The following MEGF6 variants were observed in gnomAD, a reference collection of about 807,000 sequenced individuals.
MEGF6 encodes multiple epidermal growth factor-like domains protein 6.
In MEGF6, 184 loss-of-function variants were observed where a neutral mutation model predicts 207.1. The ratio of observed to expected loss-of-function variants is 0.89; its 90% CI spans 0.79 to 1.00. MEGF6 has a LOEUF of 1.00. Ranked by LOEUF, MEGF6 falls within the 50% of genes least tolerant of loss-of-function variation. The probability of loss-of-function intolerance (pLI) is 0.00; values close to 1 mark genes in which losing one functional copy is unlikely to be tolerated. For synonymous variants in MEGF6, 1,038 were observed against 910.0 expected, an observed-to-expected ratio of 1.14 and a Z score of -2.53; for missense variants, 2,282 against 2,202.9, an observed-to-expected ratio of 1.04 and a Z score of -0.72.
upstream of MEGF6, among the ~76,000 whole-genome samples, chr1:3,612,730 G>A (rs547021868): frequency 4.2e-5 from 6 of 143,856 alleles, no homozygotes; most frequent in Non-Finnish European, 9.2e-5. Flanking sequence ...GGGAGCACTG[G>A]AGGGAGCCCT....
rs539165321 is a variant in MEGF6 at position 3,494,174 on chromosome 1, T to G, written c.4130-50A>C. 2.6e-6 allele frequency: 4 copies of G among 1,520,516 alleles called. No individual in the cohort carries two copies. In the East Asian group the frequency reaches 6.9e-5, roughly 26 times the overall value. 94.2% of individuals were successfully genotyped at this position (1,520,516 alleles called of 1,614,324 possible). On this transcript the variant is annotated intron_variant, in intron 32 of 36. Transcript: ENST00000356575. Reference sequence around the variant, plus strand: ...ACAAGGGCACACGGTGGCAGAAATGTCCAGTTTGCCCAGAGTGAGTAAAAC... The same window carrying G: ...ACAAGGGCACACGGTGGCAGAAATGGCCAGTTTGCCCAGAGTGAGTAAAAC...
intron 4 of MEGF6, among the ~76,000 whole-genome samples, chr1:3,555,041 C>A (rs1020623986): frequency 3.9e-5 from 6 of 152,194 alleles, no homozygotes; most frequent in Non-Finnish European, 8.8e-5. Context: ...TGGAACCCAG[C>A]CACACCCTCT....
chr1:3,614,381 A>G (rs760658378), upstream of MEGF6, among the ~76,000 whole-genome samples: 2 of 152,228 alleles, frequency 1.3e-5, no homozygotes, highest in Non-Finnish European at 2.9e-5. Context: ...TGATACATGA[A>G]AAAAGGCATC....
intron 4 of MEGF6, among the ~76,000 whole-genome samples, chr1:3,564,344 C>T (rs1009126383): frequency 6.6e-6 from 1 of 151,712 alleles, no homozygotes; most frequent in African/African-American, 2.4e-5. Flanking sequence ...CCTGGACAAA[C>T]AGCTACTGGA....
chr1:3,609,519 A>C (rs1306021090), intron 1 of MEGF6, among the ~76,000 whole-genome samples: 1 of 152,194 alleles, frequency 6.6e-6, no homozygotes, highest in East Asian at 1.9e-4. Context: ...AAGATAAACC[A>C]GGGGCACAGG....
intron 3 of MEGF6, among the ~76,000 whole-genome samples, chr1:3,586,446 C>T (rs141463795): frequency 1.6e-3 from 240 of 152,202 alleles, no homozygotes; most frequent in Non-Finnish European, 2.0e-3. Flanking sequence ...TGGTGGGCGG[C>T]GGGTGCAGAT....
intron 4 of MEGF6, among the ~76,000 whole-genome samples, chr1:3,532,447 T>G (rs1480956507): frequency 6.6e-6 from 1 of 152,226 alleles, no homozygotes; most frequent in East Asian, 1.9e-4. Context: ...CAGTGATCCC[T>G]GCCTGGGACC....
At position 3,490,108 on chromosome 1, in the gene MEGF6, A is replaced by G. The variant is rs1050275767; in HGVS notation, c.*420T>C. The G allele has an allele frequency of 1.5e-5, 3 of 202,794 alleles. No homozygotes were observed. The highest frequency in any genetic ancestry group is 4.7e-5 in the African/African-American group (2 of 42,446). The allele number at this position is 202,794 out of a possible 1,614,324, so 12.6% of individuals were successfully genotyped here. On this transcript the variant is annotated 3_prime_UTR_variant, in exon 37 of 37. Transcript: ENST00000356575. ...GGCCCATAAATACCTTTACATAAAT[A>G]CGGGCTGGGCGACTTCCAGTCCCAG...
chr1:3,601,229 G>T (rs187048125), intron 2 of MEGF6, among the ~76,000 whole-genome samples: 13 of 152,370 alleles, frequency 8.5e-5, no homozygotes, highest in Non-Finnish European at 1.8e-4. Flanking sequence ...CCTGGGCTCA[G>T]ATGGCTTCTG....
At position 3,511,346 on chromosome 1, in the gene MEGF6, G is replaced by A. The variant is rs769576676; in HGVS notation, c.1114+204C>T. On this transcript the variant is annotated intron_variant, in intron 9 of 36. Coordinates refer to ENST00000356575, the MANE Select transcript of MEGF6 (RefSeq NM_001409.4). ...AACATGGGTATGGGCCTGGCGGGCCGATGTGGGCACCAAGGTCTTTCCCGG... is the reference window on the plus strand; with the variant it reads ...AACATGGGTATGGGCCTGGCGGGCCAATGTGGGCACCAAGGTCTTTCCCGG... Among the ~76,000 whole-genome samples the A allele has an allele frequency of 9.2e-5, 14 of 152,294 alleles. No homozygotes were observed. The East Asian group carries it at 1.5e-3, about 17-fold the overall frequency.
At chr1:3,576,619 C>A (rs1388660396) in intron 4 of MEGF6, among the ~76,000 whole-genome samples, 1 of 151,976 alleles carries the variant, frequency 6.6e-6, no homozygotes, top group African/African-American at 2.4e-5. Context: ...AGGGGCTACA[C>A]CTGCAGGCAG....
intron 5 of MEGF6, among the ~76,000 whole-genome samples, chr1:3,519,425 C>T (rs569092958): frequency 2.0e-4 from 30 of 152,350 alleles, no homozygotes; most frequent in Admixed American, 1.9e-3. Flanking sequence ...GGGAGCTGCA[C>T]GGCGCACCAT....
Position 3,560,796 on chromosome 1 carries a change from C to T in MEGF6, c.481+19029G>A, listed in dbSNP as rs774862059. The stretch of plus-strand genomic sequence containing the variant: ...AGGGTCACCCGGCAGTCCCCTCTGG[C>T]AGCCACCGGAGCAGCCAGGAACAGC... On this transcript the variant is annotated intron_variant, in intron 4 of 36. Coordinates refer to ENST00000356575, the MANE Select transcript of MEGF6 (RefSeq NM_001409.4). The surrounding 1 kb of genome is among the most constrained non-coding windows in gnomAD (Gnocchi z 4.0). The T allele has an allele frequency of 4.2e-6, 2 of 471,008 alleles. No homozygotes were observed. The highest frequency in any genetic ancestry group is 3.1e-5 in the South Asian group (2 of 63,956). The allele number at this position is 471,008 out of a possible 1,614,324, so 29.2% of individuals were successfully genotyped here. A position where few individuals can be genotyped will look rare whatever the true frequency, so the allele number is the denominator to read the frequency against.
Position 3,497,274 on chromosome 1 carries a change from C to A in MEGF6, c.3440G>T (p.Cys1147Phe). The change falls in exon 27 of 37, where the codon TGC (cysteine) becomes TTC (phenylalanine). Residue 1147 changes from cysteine (C) to phenylalanine (F), a missense_variant. By Grantham distance (205) the Cys-to-Phe change is radical. Transcript: ENST00000356575. ...GCCAGTGAAGCCAGGGGGACAGCGG[C>A]AGGCCCCAGTGACGTGGTGGCAGGC... ...GAACHHVTGA[C>F]RCPPGFTGSG... is the part of the protein sequence containing the mutation. 1 of 1,548,946 alleles carries A rather than the reference C, an allele frequency of 6.5e-7. No individual in the cohort carries two copies. The highest frequency in any genetic ancestry group is 8.7e-7 in the Non-Finnish European group (1 of 1,149,698).
At chr1:3,609,106 C>G (rs1644292386) in intron 1 of MEGF6, among the ~76,000 whole-genome samples, 1 of 152,190 alleles carries the variant, frequency 6.6e-6, no homozygotes, top group Admixed American at 6.5e-5. Flanking sequence ...ATCAGATTCC[C>G]AGGAGGAAAG....
intron 4 of MEGF6, among the ~76,000 whole-genome samples, chr1:3,542,100 C>T (rs1433245893): frequency 1.3e-5 from 2 of 152,212 alleles, no homozygotes; most frequent in East Asian, 1.9e-4. Context: ...CCCCGGCTGC[C>T]CCGTTTCCCG....
At chr1:3,595,308 G>C (rs771173484) in intron 3 of MEGF6, 30 bp downstream of exon 3, 3 of 1,518,134 alleles carry the variant, frequency 2.0e-6, no homozygotes, top group Non-Finnish European at 2.7e-6. Flanking sequence ...GGAGGTGGAG[G>C]GAGGGCGGGG....
chr1:3,516,291 G>A (rs1307284928), intron 5 of MEGF6, among the ~76,000 whole-genome samples: 2 of 152,228 alleles, frequency 1.3e-5, no homozygotes, highest in African/African-American at 4.8e-5. Flanking sequence ...GGTGGGCACT[G>A]GACCTCTGCC....
At chr1:3,611,749 C>T (rs1471056147), upstream of MEGF6, among the ~76,000 whole-genome samples, 3 of 150,568 alleles carry the variant, frequency 2.0e-5, no homozygotes, top group African/African-American at 4.9e-5. Flanking sequence ...TCTCCGGTCC[C>T]GGCCCCGCCC....
Sources: gnomAD v4.1 joint callset for allele counts (sites outside exome capture counted in the v4.1 genomes callset) on GRCh38, gnomAD v4.1.1 for gene constraint, Gnocchi (gnomAD v3.1) non-coding constraint, MANE v1.5 for transcripts, NCBI Gene and HGNC (gene_info 2026-07-23, HGNC 2026-07-21) for gene names.